The following PLXNA3 variants were observed in gnomAD, a reference collection of about 807,000 sequenced individuals.
PLXNA3 encodes the protein plexin-A3.
PLXNA3 carries 52 observed loss-of-function variants against 118.8 expected under a neutral mutation model. The ratio of observed to expected loss-of-function variants is 0.44; its 90% CI spans 0.35 to 0.55. The LOEUF is 0.55. Ranked by LOEUF, PLXNA3 falls within the 20% of genes least tolerant of loss-of-function variation. The pLI is 0.01. For synonymous variants in PLXNA3, 925 were observed against 762.4 expected (o/e 1.21, Z -3.51); for missense variants, 1,660 against 1,730.8 (o/e 0.96, Z 0.73).
rs1460723415 is a variant in PLXNA3, at chrX:154,468,077, C to G, written c.3821-5C>G. 6.7e-6 allele frequency: 8 copies of G among 1,191,412 alleles called. No homozygotes were observed. Among genetic ancestry groups the G allele is most frequent in the African/African-American group, 3.5e-5 (2 of 56,966 alleles). On this transcript the variant is annotated splice_region_variant and splice_polypyrimidine_tract_variant and intron_variant, in intron 21 of 32. Coordinates refer to ENST00000369682, the MANE Select transcript of PLXNA3 (RefSeq NM_017514.5). ...GCCCACTCATTCCCTCTCTCCACCCCCCAGCTTTTGCAGAGCTGCAGACGG... is the reference window on the plus strand; with the variant it reads ...GCCCACTCATTCCCTCTCTCCACCCGCCAGCTTTTGCAGAGCTGCAGACGG...
chrX:154,467,351 C>T lies in PLXNA3; in HGVS notation c.3321C>T (p.His1107=), dbSNP rs143822288. The change falls in exon 19 of 33, where the codon CAC becomes CAT. Residue 1107 remains histidine, a synonymous_variant. Transcript: ENST00000369682. ...HPDEFGFLLD[H]VQTARSLNRS... ...ATGAGTTTGGCTTCCTGCTGGACCA[C>T]GTGCAAACGGCCCGCTCCCTCAACC... 3.2e-5 allele frequency: 38 copies of T among 1,204,075 alleles called. No individual in the cohort carries two copies. The African/African-American group carries it at 6.1e-4, about 19-fold the overall frequency.
rs148820056 is a variant in PLXNA3 at position 154,466,384 on chromosome X, G to A, written c.2808G>A (p.Thr936=). 84 of 1,210,417 alleles carry A rather than the reference G, an allele frequency of 6.9e-5. No individual in the cohort carries two copies. Among genetic ancestry groups the A allele is most frequent in the East Asian group, 1.5e-4 (5 of 33,804 alleles). ...SEQVYSFVTP[T]FDQVSPSRGP... ...GGCAGCTTCTCCCGCAGACCCCAAC[G>A]TTTGACCAAGTGAGTCCCAGCCGTG... The change falls in exon 16 of 33, where the codon ACG becomes ACA. Residue 936 remains threonine, a synonymous_variant. Coordinates refer to ENST00000369682, the MANE Select transcript of PLXNA3 (RefSeq NM_017514.5).
chrX:154,472,963 C>A lies in PLXNA3; in HGVS notation c.*278C>A. The A allele has an allele frequency of 3.4e-6, 1 of 292,531 alleles. No homozygotes were observed. Among genetic ancestry groups the A allele is most frequent in the Non-Finnish European group, 6.2e-6 (1 of 160,898 alleles). 24.1% of individuals were successfully genotyped at this position (292,531 alleles called of 1,213,427 possible). On this transcript the variant is annotated 3_prime_UTR_variant, in exon 33 of 33. Coordinates refer to ENST00000369682, the MANE Select transcript of PLXNA3 (RefSeq NM_017514.5). Reference sequence around the variant, plus strand: ...GCCCAGGTGTTGGGACAGTCCCACCCTCCCTGCTATTTATATCCCTCTGCC... The same window carrying A: ...GCCCAGGTGTTGGGACAGTCCCACCATCCCTGCTATTTATATCCCTCTGCC...
rs148620908 is a variant in PLXNA3, at chrX:154,461,209, C to T, written c.705C>T (p.Phe235=). ...TCTACGGCTTCGTCAGCGCCTCCTT[C>T]GTGTACTTCCTGACGCTGCAGCTGG... ...YYIYGFVSAS[F]VYFLTLQLDT... Residue 235 remains phenylalanine (F), a synonymous_variant, in exon 3 of 33, where the codon TTC becomes TTT. Coordinates refer to ENST00000369682, the MANE Select transcript of PLXNA3 (RefSeq NM_017514.5). 3.0e-4 allele frequency: 362 copies of T among 1,211,590 alleles called. 1 individual carries two copies. The highest frequency in any genetic ancestry group is 6.6e-4 in the African/African-American group (38 of 57,793).
intron 32 of PLXNA3, among the ~76,000 whole-genome samples, chrX:154,472,058 C>T (rs1339838239): frequency 9.0e-6 from 1 of 111,395 alleles, no homozygotes; most frequent in Non-Finnish European, 1.9e-5. Context: ...GGAGAAGCGG[C>T]CCAAACACTG....
rs371665634 is a variant in PLXNA3 at position 154,468,428 on chromosome X, C to T, written c.4089C>T (p.Thr1363=). The change falls in exon 23 of 33, where the codon ACC becomes ACT. Residue 1363 remains threonine, a synonymous_variant. Transcript: ENST00000369682. The part of the protein sequence containing the change: ...QSSFSMRDRG[T]VASLTMVALQ... ...GCTTCTCCATGCGCGACCGCGGCAC[C>T]GTGGCCTCGCTCACCATGGTGGCCC... is the stretch of plus-strand genomic sequence containing the variant. 2.7e-4 allele frequency: 329 copies of T among 1,210,044 alleles called. No homozygotes were observed. The Middle Eastern group carries it at 5.7e-3, about 21-fold the overall frequency.
In PLXNA3 at chrX:154,475,873, CAG is replaced by C. The variant is rs1243630304; in HGVS notation, c.*3191_*3192del. On this transcript the variant is annotated 3_prime_UTR_variant, in exon 33 of 33. Transcript: ENST00000369682. ...ATCATGAGAGGAAGAGGAAGGGAAA[CAG>C]AGCTAAATTGGGGCCAGGTGTGGTG... 1.8e-5 allele frequency: 2 copies of C among 112,319 alleles called. No homozygotes were observed. The highest frequency in any genetic ancestry group is 3.7e-4 in the South Asian group (1 of 2,723). 9.3% of individuals were successfully genotyped at this position (112,319 alleles called of 1,213,427 possible).
chrX:154,471,030 A>C, intron 30 of PLXNA3, 75 bp from the exon 31 acceptor site: 1 of 835,531 alleles, frequency 1.2e-6, no homozygotes, highest in Non-Finnish European at 1.8e-6. Context: ...CCGACAGGAA[A>C]GAGATGTGCA....
chrX:154,466,429 A>G lies in PLXNA3; in HGVS notation c.2853A>G (p.Thr951=). The change falls in exon 16 of 33, where the codon ACA becomes ACG. Residue 951 remains threonine (T), a synonymous_variant. Transcript: ENST00000369682. ...GCCGTGGCCCGGCGTCCGGGGGCAC[A>G]CGGCTTACCATCTCAGGCAGCTCTC... ...SPSRGPASGG[T]RLTISGSSLD... 1 of 1,211,092 alleles carries G rather than the reference A, an allele frequency of 8.3e-7. No homozygotes were observed. Among genetic ancestry groups the G allele is most frequent in the Non-Finnish European group, 1.1e-6 (1 of 895,268 alleles).
rs369164720 is a variant in PLXNA3, at chrX:154,465,622, G to T, written c.2342-35G>T. On this transcript the variant is annotated intron_variant, in intron 12 of 32. Coordinates refer to ENST00000369682, the MANE Select transcript of PLXNA3 (RefSeq NM_017514.5). ...CCCCACTTTCCACTTTTCTGCCACTGCCTGCTCCGTCAGCAGTGCCTTCTG... is the reference window on the plus strand; with the variant it reads ...CCCCACTTTCCACTTTTCTGCCACTTCCTGCTCCGTCAGCAGTGCCTTCTG... 2.7e-5 allele frequency: 32 copies of T among 1,194,358 alleles called. No individual in the cohort carries two copies. The South Asian group carries it at 5.3e-4, about 20-fold the overall frequency.
At position 154,469,480 on chromosome X, in the gene PLXNA3, C is replaced by T. The variant is rs782669355; in HGVS notation, c.4696C>T (p.Gln1566Ter). 1 of 1,193,695 alleles carries T rather than the reference C, an allele frequency of 8.4e-7. No individual in the cohort carries two copies. Residue 1566 changes from glutamine to a stop codon, truncating the protein, a stop_gained and splice_region_variant, in exon 27 of 33, where the codon CAG (glutamine) becomes TAG (stop). Transcript: ENST00000369682. LOFTEE classifies it high-confidence loss of function. ...GAGGCTCAACTCACTGGCCCACTAC[C>T]AGGTGAGGGGTTGGGGCCCATTCCT... is the stretch of plus-strand genomic sequence containing the variant. The part of the protein sequence containing the change: ...WKRLNSLAHY[Q>*]VTDGSLVALV...
chrX:154,462,060 G>T, intron 3 of PLXNA3, 68 bp from the exon 4 acceptor site: 1 of 944,660 alleles, frequency 1.1e-6, no homozygotes, highest in Non-Finnish European at 1.5e-6. Context: ...CTGGGACACA[G>T]GAACTGCCGG....
In PLXNA3 at chrX:154,466,199, C is replaced by T. The variant is rs2069081731; in HGVS notation, c.2728C>T (p.Pro910Ser). 1 of 1,208,655 alleles carries T rather than the reference C, an allele frequency of 8.3e-7. No homozygotes were observed. Among genetic ancestry groups the T allele is most frequent in the Non-Finnish European group, 1.1e-6 (1 of 895,231 alleles). ...GCTGGTGCCCAGCCCGCCGCCGGGG[C>T]CCGTGGAGCTGTGTGTGGGTGACTG... ...ESLVPSPPPG[P>S]VELCVGDCSA... The change falls in exon 15 of 33, where the codon CCC becomes TCC. Residue 910 changes from proline to serine, a missense_variant. Pro to Ser is a moderately conservative substitution (Grantham distance 74). This residue lies in a region of PLXNA3 where 869 missense variants were observed against 1,078.7 expected (regional missense o/e 0.81). Transcript: ENST00000369682.
chrX:154,461,203 C>G lies in PLXNA3; in HGVS notation c.699C>G (p.Ala233=). 1 of 1,212,456 alleles carries G rather than the reference C, an allele frequency of 8.2e-7. No homozygotes were observed. Residue 233 remains alanine, a synonymous_variant, in exon 3 of 33, where the codon GCC becomes GCG. Coordinates refer to ENST00000369682, the MANE Select transcript of PLXNA3 (RefSeq NM_017514.5). ...ACTACATCTACGGCTTCGTCAGCGC[C>G]TCCTTCGTGTACTTCCTGACGCTGC... The part of the protein sequence containing the change: ...DIYYIYGFVS[A]SFVYFLTLQL...
chrX:154,468,070 T>C lies in PLXNA3; in HGVS notation c.3821-12T>C, dbSNP rs782657752. On this transcript the variant is annotated splice_polypyrimidine_tract_variant and intron_variant, in intron 21 of 32. Coordinates refer to ENST00000369682, the MANE Select transcript of PLXNA3 (RefSeq NM_017514.5). ...CCCTCCTGCCCACTCATTCCCTCTCTCCACCCCCCAGCTTTTGCAGAGCTG... is the reference window on the plus strand; with the variant it reads ...CCCTCCTGCCCACTCATTCCCTCTCCCCACCCCCCAGCTTTTGCAGAGCTG... 6 of 1,193,624 alleles carry C rather than the reference T, an allele frequency of 5.0e-6. No individual in the cohort carries two copies. Among genetic ancestry groups the C allele is most frequent in the Non-Finnish European group, 3.4e-6 (3 of 884,386 alleles).
Position 154,461,201 on chromosome X carries a change from G to A in PLXNA3, c.697G>A (p.Ala233Thr), listed in dbSNP as rs199780412. 50 of 1,211,174 alleles carry A rather than the reference G, an allele frequency of 4.1e-5. No homozygotes were observed. The highest frequency in any genetic ancestry group is 4.1e-4 in the Admixed American group (19 of 46,079). ...DIYYIYGFVS[A>T]SFVYFLTLQL... ...CTACTACATCTACGGCTTCGTCAGC[G>A]CCTCCTTCGTGTACTTCCTGACGCT... Residue 233 changes from alanine (A) to threonine (T), a missense_variant, in exon 3 of 33, where the codon GCC becomes ACC. By Grantham distance (58) the Ala-to-Thr change is moderately conservative (BLOSUM62 0). Around this residue, in one of 2 missense-constraint regions of PLXNA3, gnomAD observed 791 missense variants for 652.1 expected, o/e 1.21. Transcript: ENST00000369682.
At chrX:154,469,590 C>T in intron 27 of PLXNA3, 98 bp from the exon 28 acceptor site, 1 of 952,723 alleles carries the variant, frequency 1.0e-6, no homozygotes, top group Non-Finnish European at 1.5e-6. Context: ...TCGCCCTTCT[C>T]CCTGGGCTCG....
rs1557205727 is a variant in PLXNA3 at position 154,463,706 on chromosome X, C to T, written c.1547+16C>T. 8.6e-7 allele frequency: 1 copy of T among 1,161,295 alleles called. No individual in the cohort carries two copies. Among genetic ancestry groups the T allele is most frequent in the Non-Finnish European group, 1.2e-6 (1 of 863,589 alleles). ...TGCGACACAGGTGAGGGCGGGGACCCCTGCTCGGGGAGTTGGAGGGCCCCA... is the reference window on the plus strand; with the variant it reads ...TGCGACACAGGTGAGGGCGGGGACCTCTGCTCGGGGAGTTGGAGGGCCCCA... On this transcript the variant is annotated intron_variant, in intron 6 of 32. Coordinates refer to ENST00000369682, the MANE Select transcript of PLXNA3 (RefSeq NM_017514.5).
Position 154,464,186 on chromosome X carries a change from C to T in PLXNA3, c.1701C>T (p.Asp567=), listed in dbSNP as rs782095666. ...CCGTCACCCTGCACAACGTGCCAGACCTCAGTGCGGGCGTGAGCTGCGCCT... is the reference window on the plus strand; with the variant it reads ...CCGTCACCCTGCACAACGTGCCAGATCTCAGTGCGGGCGTGAGCTGCGCCT... ...QLTVTLHNVP[D]LSAGVSCAFE... is the part of the protein sequence containing the mutation. Residue 567 remains aspartate, a synonymous_variant, in exon 8 of 33, where the codon GAC becomes GAT. Coordinates refer to ENST00000369682, the MANE Select transcript of PLXNA3 (RefSeq NM_017514.5). 3.3e-6 allele frequency: 4 copies of T among 1,208,864 alleles called. No homozygotes were observed. The highest frequency in any genetic ancestry group is 3.5e-5 in the African/African-American group (2 of 57,669).
Sources: allele counts gnomAD v4.1 joint callset (sites outside exome capture counted in the v4.1 genomes callset), GRCh38; gene constraint gnomAD v4.1.1; regional missense constraint gnomAD v4.1.1; transcripts MANE v1.5; gene names NCBI Gene and HGNC (gene_info 2026-07-23, HGNC 2026-07-21).